The following CCNH variants were observed in gnomAD, a reference collection of about 807,000 sequenced individuals.
The protein encoded by CCNH is cyclin-H.
CCNH carries 31 observed loss-of-function variants against 41.9 expected under a neutral mutation model. The observed-to-expected ratio is 0.74, with a 90% CI of 0.56 to 1.00. The LOEUF is 1.00. CCNH is among the 50% of genes least tolerant of loss of function. The pLI is 0.00. For synonymous variants in CCNH, 138 were observed against 136.1 expected, an observed-to-expected ratio of 1.01 and a Z score of -0.10; for missense variants, 362 against 388.4, an observed-to-expected ratio of 0.93 and a Z score of 0.57.
chr5:87,326,864 T>C (rs1757268549), intron 9 of CCNH, among the ~76,000 whole-genome samples: 2 of 152,178 alleles, frequency 1.3e-5, no homozygotes, highest in Admixed American at 6.5e-5. Context: ...ATTAATGCCT[T>C]AGTAGAAAAA....
At chr5:87,374,354 T>G, downstream of CCNH, 1 of 1,571,882 alleles carries the variant, frequency 6.4e-7, no homozygotes, top group Non-Finnish European at 8.7e-7. Context: ...TTAATCATTT[T>G]CTTTTACCAT....
At chr5:87,376,790 G>T in exon 1 of CCNH, 1 of 1,356,624 alleles carries the variant, frequency 7.4e-7, no homozygotes, top group Non-Finnish European at 1.0e-6. Flanking sequence ...TTAAATATAA[G>T]AACTTGTGAA....
At chr5:87,387,432 G>T (rs988707682), downstream of CCNH, among the ~76,000 whole-genome samples, 1 of 152,022 alleles carries the variant, frequency 6.6e-6, no homozygotes, top group Non-Finnish European at 1.5e-5. Context: ...TACGAATGAG[G>T]GTATTTTATA....
At chr5:87,324,602 T>C (rs1757078979) in intron 9 of CCNH, among the ~76,000 whole-genome samples, 1 of 152,198 alleles carries the variant, frequency 6.6e-6, no homozygotes, top group Non-Finnish European at 1.5e-5. Context: ...ATTTCTGCCC[T>C]TACTTTGAAC....
chr5:87,312,345 A>T, the CCNH span, among the ~76,000 whole-genome samples: 1 of 152,234 alleles, frequency 6.6e-6, no homozygotes, highest in East Asian at 1.9e-4. Flanking sequence ...CAAAAATGTA[A>T]ATTGGTGCTG....
intron 9 of CCNH, among the ~76,000 whole-genome samples, chr5:87,342,730 T>C (rs1457547823): frequency 6.6e-6 from 1 of 152,150 alleles, no homozygotes; most frequent in East Asian, 1.9e-4. Flanking sequence ...GTTTGCCTAT[T>C]GTAAGGTAAT....
At chr5:87,374,668 G>A (rs1968674), downstream of CCNH, among the ~76,000 whole-genome samples, 2 of 151,266 alleles carry the variant, frequency 1.3e-5, no homozygotes, top group Admixed American at 6.6e-5. Context: ...TGTAATCTGC[G>A]TGTCTTCTGT....
chr5:87,327,214 A>C (rs562388420), intron 9 of CCNH, among the ~76,000 whole-genome samples: 2 of 152,206 alleles, frequency 1.3e-5, no homozygotes, highest in Non-Finnish European at 2.9e-5. Flanking sequence ...CCTTTTATAG[A>C]TGAGGAAACT....
At chr5:87,322,332 G>T (rs900815569) in intron 9 of CCNH, among the ~76,000 whole-genome samples, 1 of 152,134 alleles carries the variant, frequency 6.6e-6, no homozygotes, top group South Asian at 2.1e-4. Context: ...TCACAGGAGC[G>T]CAAACCCTAT....
chr5:87,377,211 G>A (rs555107462), upstream of CCNH: 6 of 808,360 alleles, frequency 7.4e-6, no homozygotes, highest in Admixed American at 1.1e-4. Context: ...GATTATGTTG[G>A]TTACTATGGG....
chr5:87,361,489 A>C (rs1456086047), intron 9 of CCNH, among the ~76,000 whole-genome samples: 1 of 152,194 alleles, frequency 6.6e-6, no homozygotes, highest in South Asian at 2.1e-4. Flanking sequence ...AAGATGGACT[A>C]AAAGTCATAA....
intron 4 of CCNH, 78 bp downstream of exon 4, chr5:87,407,898 A>C: frequency 9.4e-7 from 1 of 1,061,570 alleles, no homozygotes; most frequent in Non-Finnish European, 1.4e-6. Context: ...GATGATTATG[A>C]GTTTTAAAAT....
At chr5:87,349,455 G>A in intron 9 of CCNH, 1 of 1,422,798 alleles carries the variant, frequency 7.0e-7, no homozygotes, top group Non-Finnish European at 9.6e-7. Context: ...TTATATAAAA[G>A]TTTCTAACTT....
chr5:87,331,643 G>A (rs1757608410), intron 9 of CCNH: 4 of 961,512 alleles, frequency 4.2e-6, no homozygotes, highest in Non-Finnish European at 4.7e-6. Flanking sequence ...GATTTAATCA[G>A]TGATTTAGAG....
At chr5:87,395,238 A>G (rs138933858) in intron 7 of CCNH, 134 bp from the exon 8 acceptor site, 347 of 626,512 alleles carry the variant, frequency 5.5e-4, no homozygotes, top group Non-Finnish European at 7.8e-4. Flanking sequence ...GGAAAAAGAT[A>G]AACAGCTATG....
chr5:87,353,022 A>G, intron 9 of CCNH: 1 of 658,962 alleles, frequency 1.5e-6, no homozygotes, highest in South Asian at 1.8e-5. Flanking sequence ...CATTTATTCT[A>G]TTAATGTATT....
At chr5:87,394,155 A>C (rs529453074), downstream of CCNH, 1 of 754,702 alleles carries the variant, frequency 1.3e-6, no homozygotes, top group Non-Finnish European at 1.7e-6. Context: ...TGCCTTTTTT[A>C]AAAAAAGCAT....
intron 9 of CCNH, among the ~76,000 whole-genome samples, chr5:87,330,088 C>T (rs1043904152): frequency 2.6e-5 from 4 of 152,026 alleles, no homozygotes; most frequent in Admixed American, 6.5e-5. Context: ...TTTGTTAAGT[C>T]GTAATGGAAC....
intron 9 of CCNH, among the ~76,000 whole-genome samples, chr5:87,361,137 G>A (rs939814567): frequency 3.9e-5 from 6 of 152,138 alleles, no homozygotes; most frequent in African/African-American, 1.2e-4. Context: ...AGTTCATTTA[G>A]TGTGTCCACT....
Sources: gnomAD v4.1 joint callset for allele counts (sites outside exome capture counted in the v4.1 genomes callset) on GRCh38, gnomAD v4.1.1 for gene constraint, MANE v1.5 for transcripts, NCBI Gene and HGNC (gene_info 2026-07-23, HGNC 2026-07-21) for gene names.